The following HAVCR2 variants were observed in gnomAD, a reference collection of about 807,000 sequenced individuals.
HAVCR2 encodes T cell immunoglobulin mucin 3.
A neutral mutation model predicts 24.7 loss-of-function variants in HAVCR2; 13 were observed. That is an observed-to-expected ratio of 0.53 (90% CI 0.34 to 0.84). The LOEUF is 0.84. Ranked by LOEUF, HAVCR2 falls within the 40% of genes least tolerant of loss-of-function variation. The probability of loss-of-function intolerance (pLI) is 0.01; values close to 1 mark genes in which losing one functional copy is unlikely to be tolerated. For missense variants in HAVCR2, 343 were observed against 371.2 expected, an observed-to-expected ratio of 0.92 and a Z score of 0.62; for synonymous variants, 154 against 143.4, an observed-to-expected ratio of 1.07 and a Z score of -0.53.
At chr5:157,093,617 C>T (rs1757044884) in intron 5 of HAVCR2, among the ~76,000 whole-genome samples, 1 of 152,092 alleles carries the variant, frequency 6.6e-6, no homozygotes, top group Admixed American at 6.6e-5. Context: ...GACTTGGTTT[C>T]TGCCCTAAAA....
chr5:157,099,930 A>C (rs1012030073), intron 3 of HAVCR2, among the ~76,000 whole-genome samples: 2 of 152,070 alleles, frequency 1.3e-5, no homozygotes, highest in Non-Finnish European at 2.9e-5. Flanking sequence ...TCCTGACCTC[A>C]AGTGATCCAC....
At chr5:157,092,523 T>G (rs1454031495) in intron 5 of HAVCR2, among the ~76,000 whole-genome samples, 1 of 152,024 alleles carries the variant, frequency 6.6e-6, no homozygotes, top group African/African-American at 2.4e-5. Context: ...CTCAGCTCAC[T>G]GCAACCTCCG....
chr5:157,105,994 G>A (rs979292974), intron 2 of HAVCR2: 1 of 152,482 alleles, frequency 6.6e-6, no homozygotes, highest in African/African-American at 2.4e-5. Context: ...TTATAGGCAT[G>A]AGCCACTGTA....
chr5:157,104,016 G>C (rs926768724), intron 3 of HAVCR2, among the ~76,000 whole-genome samples: 3 of 145,614 alleles, frequency 2.1e-5, no homozygotes, highest in African/African-American at 7.7e-5. Context: ...TATGAGGTGG[G>C]ACTCACCTAT....
intron 3 of HAVCR2, among the ~76,000 whole-genome samples, chr5:157,100,242 T>G (rs1030904530): frequency 5.3e-5 from 8 of 152,168 alleles, no homozygotes; most frequent in African/African-American, 1.9e-4. Flanking sequence ...GGAAGTGAAG[T>G]GACTAACCCA....
At chr5:157,100,381 G>A (rs775206440) in intron 3 of HAVCR2, among the ~76,000 whole-genome samples, 1 of 152,098 alleles carries the variant, frequency 6.6e-6, no homozygotes, top group African/African-American at 2.4e-5. Flanking sequence ...AGAGGGTCAC[G>A]TTGCCCAGCC....
chr5:157,087,598 G>A (rs1048977237), intron 6 of HAVCR2, among the ~76,000 whole-genome samples: 7 of 152,060 alleles, frequency 4.6e-5, no homozygotes, highest in Non-Finnish European at 7.4e-5. Flanking sequence ...CTGCAATTAT[G>A]TACACATTTA....
chr5:157,107,752 C>T lies in HAVCR2; in HGVS notation c.59-790G>A, dbSNP rs963150552. Among the ~76,000 whole-genome samples, 9 of 152,172 alleles carry T rather than the reference C, an allele frequency of 5.9e-5. No individual in the cohort carries two copies. The South Asian group carries it at 1.5e-3, about 25-fold the overall frequency. On this transcript the variant is annotated intron_variant, in intron 1 of 6. Coordinates refer to ENST00000307851, the MANE Select transcript of HAVCR2 (RefSeq NM_032782.5). ...ATGCAGATTGATAGCTCATCTTTAC[C>T]GGTGCGGTCACCCTGGCCAGACACA...
chr5:157,103,196 T>G (rs1233414523), intron 3 of HAVCR2, among the ~76,000 whole-genome samples: 1 of 151,766 alleles, frequency 6.6e-6, no homozygotes, highest in Non-Finnish European at 1.5e-5. Flanking sequence ...ACTCTGTCTC[T>G]ACTAAAAATA....
rs1293711515 is a variant in HAVCR2 at position 157,108,930 on chromosome 5, A to G, written c.54T>C (p.Leu18=). The G allele has an allele frequency of 5.0e-6, 8 of 1,613,972 alleles. No individual in the cohort carries two copies. Among genetic ancestry groups the G allele is most frequent in the Non-Finnish European group, 6.8e-6 (8 of 1,179,920 alleles). ...DCVLLLLLLL[L]TRSSEVEYRA... ...AATATCCATGCCGAGACTTACTTGT[A>G]AGTAGTAGCAGCAGCAGCAGCAGGA... The change falls in exon 1 of 7, where the codon CTT becomes CTC. Residue 18 remains leucine, a synonymous_variant. Transcript: ENST00000307851.
intron 2 of HAVCR2, chr5:157,104,957 A>C: frequency 3.0e-6 from 1 of 338,978 alleles, no homozygotes; most frequent in Non-Finnish European, 5.3e-6. Context: ...CATCATTGTT[A>C]CATTCTGATT....
chr5:157,089,966 C>G (rs767895666), intron 5 of HAVCR2, among the ~76,000 whole-genome samples: 4 of 152,016 alleles, frequency 2.6e-5, no homozygotes, highest in Non-Finnish European at 5.9e-5. Flanking sequence ...TTCTTTTACC[C>G]GCTGAAAACA....
Position 157,106,765 on chromosome 5 carries a change from CA to C in HAVCR2, c.255del (p.Asn85LysfsTer11). The C allele has an allele frequency of 6.2e-7, 1 of 1,614,176 alleles. No individual in the cohort carries two copies. Among genetic ancestry groups the C allele is most frequent in the Admixed American group, 1.7e-5 (1 of 60,008 alleles). On this transcript the variant is annotated frameshift_variant, in exon 2 of 7. Transcript: ENST00000307851. LOFTEE classifies it high-confidence loss of function. ...GACACATCTCCTTTGCGGAAATCCC[CA>C]TTTAGCCAGTATCTGGATGTCCAAT... ...VNYWTSRYWL[N>X]GDFRKGDVSL... is the part of the protein sequence containing the mutation.
rs918098631 is a variant in HAVCR2, at chr5:157,097,096, G to A, written c.523-1637C>T. On this transcript the variant is annotated intron_variant, in intron 4 of 6. Coordinates refer to ENST00000307851, the MANE Select transcript of HAVCR2 (RefSeq NM_032782.5). ...AGGAGTCCTATATGCAAGATATTGT[G>A]CATTAAGCATTGTGGGCACATACAG... Among the ~76,000 whole-genome samples, 41 of 152,158 alleles carry A rather than the reference G, an allele frequency of 2.7e-4. 2 individuals carry two copies. The East Asian group carries it at 7.3e-3, about 27-fold the overall frequency.
chr5:157,095,301 C>T lies in HAVCR2; in HGVS notation c.676+5G>A, dbSNP rs1757078480. ...TCAGAGGGAGAGAGAAACAAAAACA[C>T]TTACATTTGAAAATTAAAGCGCCGA... On this transcript the variant is annotated splice_donor_5th_base_variant and intron_variant, in intron 5 of 6. Coordinates refer to ENST00000307851, the MANE Select transcript of HAVCR2 (RefSeq NM_032782.5). 3.1e-6 allele frequency: 5 copies of T among 1,613,018 alleles called. No individual in the cohort carries two copies. Among genetic ancestry groups the T allele is most frequent in the Admixed American group, 1.7e-5 (1 of 59,670 alleles).
intron 6 of HAVCR2, 119 bp from the exon 7 acceptor site, chr5:157,087,413 G>GC: frequency 1.4e-6 from 1 of 729,508 alleles, no homozygotes; most frequent in Non-Finnish European, 2.1e-6. Context: ...TCTTTGATCA[G>GC]ATGCTGAACA....
chr5:157,103,261 C>G (rs1340250550), intron 3 of HAVCR2, among the ~76,000 whole-genome samples: 1 of 151,956 alleles, frequency 6.6e-6, no homozygotes, highest in Non-Finnish European at 1.5e-5. Context: ...GTCCCAGCTA[C>G]TTGGGAGGCT....
At chr5:157,099,015 GA>G (rs1437857395) in intron 3 of HAVCR2, 114 bp from the exon 4 acceptor site, 1 of 901,078 alleles carries the variant, frequency 1.1e-6, no homozygotes, top group African/African-American at 1.7e-5. Flanking sequence ...AATCCTATTT[GA>G]AATGAATTCT....
intron 5 of HAVCR2, among the ~76,000 whole-genome samples, chr5:157,092,102 T>C (rs1336856550): frequency 2.7e-5 from 4 of 150,800 alleles, no homozygotes; most frequent in Non-Finnish European, 4.4e-5. Context: ...TTATACAAAC[T>C]AGAATAAGTG....
Sources: allele counts gnomAD v4.1 joint callset (sites outside exome capture counted in the v4.1 genomes callset), GRCh38; gene constraint gnomAD v4.1.1; transcripts MANE v1.5; gene names NCBI Gene and HGNC (gene_info 2026-07-23, HGNC 2026-07-21).